The following RALYL variants were observed in gnomAD, a reference collection of about 807,000 sequenced individuals.
RALYL encodes the protein RALY RNA binding protein like.
A neutral mutation model predicts 35.1 loss-of-function variants in RALYL; 29 were observed. The ratio of observed to expected loss-of-function variants is 0.83; its 90% CI spans 0.61 to 1.13. RALYL has a LOEUF of 1.13. Among genes scored for constraint, RALYL ranks in the 50% most tolerant of loss-of-function variants. The pLI, the probability that RALYL is intolerant of heterozygous loss-of-function variation, is 0.00. For missense variants in RALYL, 359 were observed against 360.4 expected, an observed-to-expected ratio of 1.00 and a Z score of 0.03; for synonymous variants, 120 against 127.6, an observed-to-expected ratio of 0.94 and a Z score of 0.40.
chr8:84,587,468 A>G (rs1812271191), intron 2 of RALYL, among the ~76,000 whole-genome samples: 1 of 152,266 alleles, frequency 6.6e-6, no homozygotes, highest in Non-Finnish European at 1.5e-5. Context: ...AAAATGGAAC[A>G]ATGTCAAAGA....
intron 1 of RALYL, among the ~76,000 whole-genome samples, chr8:84,343,421 T>C (rs951813850): frequency 5.3e-5 from 8 of 151,990 alleles, no homozygotes; most frequent in African/African-American, 1.9e-4. Flanking sequence ...CAGCAAAGAA[T>C]CATCCAAATA....
intron 2 of RALYL, among the ~76,000 whole-genome samples, chr8:84,718,190 G>A (rs1223905942): frequency 6.6e-6 from 1 of 152,046 alleles, no homozygotes; most frequent in Non-Finnish European, 1.5e-5. Flanking sequence ...TTAAGATTTT[G>A]TTCTACGTAT....
intron 4 of RALYL, among the ~76,000 whole-genome samples, chr8:84,841,905 G>C (rs960458389): frequency 6.6e-6 from 1 of 152,162 alleles, no homozygotes; most frequent in Non-Finnish European, 1.5e-5. Flanking sequence ...AAATAAAGAC[G>C]TTCTTTGAAA....
intron 2 of RALYL, among the ~76,000 whole-genome samples, chr8:84,729,195 C>T (rs1845617687): frequency 2.0e-5 from 3 of 151,978 alleles, no homozygotes; most frequent in Admixed American, 2.0e-4. Context: ...CTTCACATCC[C>T]TTGTAAGTTG....
At chr8:84,313,368 A>G (rs1843161071) in intron 1 of RALYL, among the ~76,000 whole-genome samples, 1 of 152,142 alleles carries the variant, frequency 6.6e-6, no homozygotes, top group African/African-American at 2.4e-5. Flanking sequence ...TACTTATGCA[A>G]ATTTCTGCAC....
intron 2 of RALYL, among the ~76,000 whole-genome samples, chr8:84,701,639 G>A (rs1840216044): frequency 1.3e-5 from 2 of 152,126 alleles, no homozygotes. Context: ...ATGAGGGCTG[G>A]AGGATCAGGA....
At chr8:84,215,538 G>T (rs1049260862) in intron 1 of RALYL, among the ~76,000 whole-genome samples, 4 of 146,880 alleles carry the variant, frequency 2.7e-5, no homozygotes, top group Admixed American at 6.9e-5. Context: ...TATGCATAAG[G>T]TTTTTTTTTT....
At chr8:84,628,516 A>G (rs1471536472) in intron 2 of RALYL, among the ~76,000 whole-genome samples, 1 of 152,178 alleles carries the variant, frequency 6.6e-6, no homozygotes, top group Non-Finnish European at 1.5e-5. Context: ...AGTCCTACAG[A>G]GTAGGTGATT....
chr8:84,590,721 G>A (rs1813049376), intron 2 of RALYL, among the ~76,000 whole-genome samples: 2 of 152,112 alleles, frequency 1.3e-5, no homozygotes, highest in Admixed American at 1.3e-4. Flanking sequence ...TTTTCTTCCT[G>A]GTGTCCTTGG....
At chr8:84,579,289 C>A (rs990735627) in intron 2 of RALYL, among the ~76,000 whole-genome samples, 2 of 152,186 alleles carry the variant, frequency 1.3e-5, no homozygotes, top group Non-Finnish European at 2.9e-5. Flanking sequence ...TCCCGGGCAC[C>A]AGGAGTGGGC....
At chr8:84,896,919 G>A (rs1414797615) in intron 8 of RALYL, among the ~76,000 whole-genome samples, 2 of 152,080 alleles carry the variant, frequency 1.3e-5, no homozygotes. Flanking sequence ...AGTTAAAGTT[G>A]CATTTCAGAT....
At chr8:84,326,889 T>TTATTC (rs1845904402) in intron 1 of RALYL, among the ~76,000 whole-genome samples, 1 of 152,142 alleles carries the variant, frequency 6.6e-6, no homozygotes, top group Non-Finnish European at 1.5e-5. Context: ...AATGTAGACT[T>TTATTC]TATTCTAGGC....
chr8:84,425,785 G>A (rs317937), intron 1 of RALYL, among the ~76,000 whole-genome samples: 10,282 of 43,294 alleles, frequency 0.24, 380 homozygotes, highest in Middle Eastern at 0.34. Flanking sequence ...TTTTTCTTCT[G>A]TGTGTGTGTG....
intron 2 of RALYL, among the ~76,000 whole-genome samples, chr8:84,756,576 T>C (rs1293520745): frequency 6.6e-6 from 1 of 152,166 alleles, no homozygotes; most frequent in East Asian, 1.9e-4. Context: ...CACACACCTA[T>C]CTTCCCAACA....
chr8:84,859,229 C>T (rs142412523), intron 5 of RALYL, among the ~76,000 whole-genome samples: 28 of 152,110 alleles, frequency 1.8e-4, no homozygotes, highest in East Asian at 1.4e-3. Context: ...CGATTGGTTG[C>T]GGGAGGGGAC....
At chr8:84,596,156 G>A (rs1362582257) in intron 2 of RALYL, among the ~76,000 whole-genome samples, 2 of 151,438 alleles carry the variant, frequency 1.3e-5, no homozygotes, top group Non-Finnish European at 3.0e-5. Flanking sequence ...TTGAGAAGAT[G>A]TCAGGGTTTT....
intron 5 of RALYL, among the ~76,000 whole-genome samples, chr8:84,856,785 T>G (rs558679543): frequency 6.8e-4 from 103 of 151,814 alleles, no homozygotes; most frequent in Middle Eastern, 3.4e-3. Flanking sequence ...TCCCAGCACT[T>G]TGGGAGGCCG....
chr8:84,635,339 A>G (rs2131298866), intron 2 of RALYL, among the ~76,000 whole-genome samples: 1 of 130,278 alleles, frequency 7.7e-6, no homozygotes, highest in Admixed American at 8.0e-5. Flanking sequence ...TCTTTTAAGT[A>G]CTGTCTTCTA....
chr8:84,315,876 C>T (rs1176626087), intron 1 of RALYL, among the ~76,000 whole-genome samples: 1 of 150,588 alleles, frequency 6.6e-6, no homozygotes, highest in Non-Finnish European at 1.5e-5. Flanking sequence ...TATTGAACAT[C>T]TTATTGAATT....
Sources: allele counts gnomAD v4.1 joint callset (sites outside exome capture counted in the v4.1 genomes callset), GRCh38; gene constraint gnomAD v4.1.1; transcripts MANE v1.5; gene names NCBI Gene and HGNC (gene_info 2026-07-23, HGNC 2026-07-21).